LRP1B: variants seen among roughly 807,000 people sequenced by gnomAD.
LRP1B encodes low-density lipoprotein receptor-related protein 1B.
In LRP1B, 217 loss-of-function variants were observed where a neutral mutation model predicts 556.6. The observed-to-expected ratio is 0.39, with a 90% CI of 0.35 to 0.44. LRP1B has a LOEUF of 0.44. Ranked by LOEUF, LRP1B falls within the 20% of genes least tolerant of loss-of-function variation. LRP1B has a pLI of 1.00. For synonymous variants in LRP1B, 2,047 were observed against 1,865.8 expected, an observed-to-expected ratio of 1.10 and a Z score of -2.50; for missense variants, 5,053 against 5,620.8, an observed-to-expected ratio of 0.90 and a Z score of 3.23.
At chr2:141,139,533 G>T (rs1701578847) in intron 7 of LRP1B, among the ~76,000 whole-genome samples, 1 of 151,240 alleles carries the variant, frequency 6.6e-6, no homozygotes, top group Non-Finnish European at 1.5e-5. Flanking sequence ...TACACAAAAA[G>T]GGCAAAGGCC....
chr2:140,625,817 G>A (rs1409680241), intron 41 of LRP1B, among the ~76,000 whole-genome samples: 6 of 152,138 alleles, frequency 3.9e-5, no homozygotes, highest in Non-Finnish European at 8.8e-5. Flanking sequence ...CTGTGTTGTG[G>A]CTTCTTACAA....
intron 84 of LRP1B, among the ~76,000 whole-genome samples, chr2:140,294,754 GAAAAT>G (rs1011940996): frequency 1.3e-5 from 2 of 152,150 alleles, no homozygotes; most frequent in African/African-American, 4.8e-5. Flanking sequence ...TGGTGGAACA[GAAAAT>G]AAACACACGT....
intron 84 of LRP1B, among the ~76,000 whole-genome samples, chr2:140,274,808 G>GAAGAC (rs1055693794): frequency 6.2e-4 from 94 of 151,778 alleles, no homozygotes; most frequent in African/African-American, 2.2e-3. Flanking sequence ...CTGGCTAAGA[G>GAAGAC]AGCTTATATT....
chr2:141,416,446 ATTT>A (rs34512949), intron 3 of LRP1B, among the ~76,000 whole-genome samples: 5 of 103,410 alleles, frequency 4.8e-5, no homozygotes, highest in South Asian at 3.4e-4. Context: ...TTTGACAGCC[ATTT>A]TTTTTTTTTT....
At chr2:140,672,116 C>T (rs72979872) in intron 41 of LRP1B, among the ~76,000 whole-genome samples, 2,747 of 152,194 alleles carry the variant, frequency 0.018, 84 homozygotes, top group African/African-American at 0.062. Flanking sequence ...TTATCTGTTC[C>T]GAAAATACAA....
At chr2:141,991,406 C>T (rs1048919173) in intron 1 of LRP1B, among the ~76,000 whole-genome samples, 4 of 151,900 alleles carry the variant, frequency 2.6e-5, no homozygotes, top group Non-Finnish European at 5.9e-5. Context: ...AAATATTGTG[C>T]CCTGTGCCAA....
chr2:140,902,805 A>C, intron 23 of LRP1B, 115 bp downstream of exon 23: 5 of 1,098,594 alleles, frequency 4.6e-6, no homozygotes, highest in South Asian at 1.6e-5. Flanking sequence ...TTATAGTTAA[A>C]TGCTTTATCT....
chr2:141,270,318 T>C (rs1277597631), intron 3 of LRP1B, among the ~76,000 whole-genome samples: 1 of 152,102 alleles, frequency 6.6e-6, no homozygotes, highest in Non-Finnish European at 1.5e-5. Context: ...TTGGTGATGA[T>C]GTGGAAAAAT....
chr2:141,711,203 T>G (rs745493980), intron 2 of LRP1B, among the ~76,000 whole-genome samples: 1 of 152,144 alleles, frequency 6.6e-6, no homozygotes, highest in Admixed American at 6.5e-5. Flanking sequence ...TGGTCCCTGG[T>G]ACCACCCATG....
At chr2:141,347,976 T>C (rs867277469) in intron 3 of LRP1B, among the ~76,000 whole-genome samples, 1 of 152,098 alleles carries the variant, frequency 6.6e-6, no homozygotes, top group Non-Finnish European at 1.5e-5. Flanking sequence ...GAAAACAGAA[T>C]GGGCCTGTTA....
At chr2:140,303,901 C>T (rs534837217) in intron 83 of LRP1B, among the ~76,000 whole-genome samples, 4 of 151,840 alleles carry the variant, frequency 2.6e-5, no homozygotes, top group Admixed American at 6.6e-5. Context: ...TGAGTGAGAA[C>T]GTGTGGTGTT....
intron 43 of LRP1B, among the ~76,000 whole-genome samples, chr2:140,595,127 T>C (rs1406979124): frequency 8.3e-6 from 1 of 120,508 alleles, no homozygotes; most frequent in African/African-American, 3.0e-5. Flanking sequence ...TATATATATA[T>C]ATATATATAT....
At chr2:140,870,219 A>G (rs189596837) in intron 25 of LRP1B, among the ~76,000 whole-genome samples, 31 of 152,258 alleles carry the variant, frequency 2.0e-4, no homozygotes, top group African/African-American at 6.7e-4. Context: ...AGATTTTCTG[A>G]GAGGCTTTAT....
chr2:141,370,016 GCCA>G (rs1689173767), intron 3 of LRP1B, among the ~76,000 whole-genome samples: 1 of 152,052 alleles, frequency 6.6e-6, no homozygotes, highest in Admixed American at 6.6e-5. Context: ...ATGTACATAT[GCCA>G]CCTTTTCTTT....
At chr2:141,742,245 T>TC (rs1165409565) in intron 2 of LRP1B, among the ~76,000 whole-genome samples, 3 of 126,194 alleles carry the variant, frequency 2.4e-5, no homozygotes, top group Non-Finnish European at 4.5e-5. Context: ...AGTTTTTTTT[T>TC]TCTTTCTTTC....
chr2:141,704,029 T>C (rs1050513973), intron 2 of LRP1B, among the ~76,000 whole-genome samples: 17 of 151,874 alleles, frequency 1.1e-4, no homozygotes, highest in Non-Finnish European at 4.4e-5. Context: ...TGATGAGAGA[T>C]TTTATGTATA....
chr2:140,811,830 G>A (rs995702444), intron 32 of LRP1B, among the ~76,000 whole-genome samples: 1 of 151,902 alleles, frequency 6.6e-6, no homozygotes, highest in African/African-American at 2.4e-5. Context: ...TATTTGTCAA[G>A]TACAACCCTT....
intron 2 of LRP1B, among the ~76,000 whole-genome samples, chr2:141,542,297 A>C (rs1031524450): frequency 6.6e-6 from 1 of 151,996 alleles, no homozygotes; most frequent in Non-Finnish European, 1.5e-5. Context: ...TAAAAGAATT[A>C]GGGCAGATTT....
intron 2 of LRP1B, among the ~76,000 whole-genome samples, chr2:141,620,825 G>T (rs1688481581): frequency 6.6e-6 from 1 of 151,310 alleles, no homozygotes; most frequent in Non-Finnish European, 1.5e-5. Context: ...TTATAGTATT[G>T]ATTTTTTTAA....
Sources: gnomAD v4.1 joint callset for allele counts (sites outside exome capture counted in the v4.1 genomes callset) on GRCh38, gnomAD v4.1.1 for gene constraint, MANE v1.5 for transcripts, NCBI Gene and HGNC (gene_info 2026-07-23, HGNC 2026-07-21) for gene names.